The following CTNNA3 variants were observed in gnomAD, a reference collection of about 807,000 sequenced individuals.
CTNNA3 encodes the protein catenin alpha 3.
Under a neutral mutation model 95.7 loss-of-function variants are expected in CTNNA3, and 76 were observed. That is an observed-to-expected ratio of 0.79 (90% CI 0.66 to 0.96). The LOEUF is 0.96. Ranked by LOEUF, CTNNA3 falls within the 40% of genes least tolerant of loss-of-function variation. The probability of loss-of-function intolerance (pLI) is 0.00; values close to 1 mark genes in which losing one functional copy is unlikely to be tolerated. For missense variants in CTNNA3, 1,191 were observed against 1,089.8 expected (o/e 1.09, Z -1.31); for synonymous variants, 431 against 374.4 (o/e 1.15, Z -1.74).
chr10:66,115,590 T>C (rs200659095), intron 13 of CTNNA3, among the ~76,000 whole-genome samples: 4 of 108,338 alleles, frequency 3.7e-5, no homozygotes, highest in African/African-American at 2.5e-4. Context: ...GATAGATAGA[T>C]AGAGATAGAG....
chr10:67,238,772 G>C (rs1323889863), intron 5 of CTNNA3, among the ~76,000 whole-genome samples: 1 of 152,094 alleles, frequency 6.6e-6, no homozygotes, highest in Non-Finnish European at 1.5e-5. Context: ...TTTTAGATTT[G>C]AGTAAAATAA....
At chr10:67,366,263 C>A (rs1262593206) in intron 5 of CTNNA3, among the ~76,000 whole-genome samples, 3 of 152,034 alleles carry the variant, frequency 2.0e-5, no homozygotes, top group Non-Finnish European at 4.4e-5. Flanking sequence ...ATGTAAATGA[C>A]AAGTTGATGG....
At chr10:67,734,336 T>C (rs981889127) in intron 1 of CTNNA3, among the ~76,000 whole-genome samples, 1 of 152,092 alleles carries the variant, frequency 6.6e-6, no homozygotes, top group Non-Finnish European at 1.5e-5. Flanking sequence ...GAGTTCAGAG[T>C]TGAAGAATCT....
chr10:66,456,314 T>A (rs1437319710), intron 11 of CTNNA3, among the ~76,000 whole-genome samples: 1 of 152,112 alleles, frequency 6.6e-6, no homozygotes, highest in East Asian at 1.9e-4. Context: ...ATCAAGACAA[T>A]GTGGTATAGA....
intron 7 of CTNNA3, among the ~76,000 whole-genome samples, chr10:66,986,646 G>A (rs1033265074): frequency 6.6e-6 from 1 of 152,112 alleles, no homozygotes; most frequent in African/African-American, 2.4e-5. Context: ...AAGAATTTTA[G>A]AATGAATCAA....
At chr10:66,629,745 C>T (rs1208688471) in intron 9 of CTNNA3, among the ~76,000 whole-genome samples, 1 of 152,052 alleles carries the variant, frequency 6.6e-6, no homozygotes, top group Non-Finnish European at 1.5e-5. Flanking sequence ...TATCAATGTA[C>T]TTTTATGTAT....
intron 11 of CTNNA3, among the ~76,000 whole-genome samples, chr10:66,468,472 G>A (rs1246285545): frequency 6.6e-6 from 1 of 151,812 alleles, no homozygotes; most frequent in African/African-American, 2.4e-5. Flanking sequence ...CATGGGTGGG[G>A]GAAATGGGAA....
At chr10:66,370,934 G>A (rs1338966323) in intron 12 of CTNNA3, among the ~76,000 whole-genome samples, 1 of 151,956 alleles carries the variant, frequency 6.6e-6, no homozygotes, top group South Asian at 2.1e-4. Context: ...TGTTGCCTAG[G>A]CTGATCTCGA....
intron 1 of CTNNA3, among the ~76,000 whole-genome samples, chr10:67,731,619 G>A (rs1012973948): frequency 1.3e-5 from 2 of 151,790 alleles, no homozygotes; most frequent in Non-Finnish European, 1.5e-5. Flanking sequence ...TGGCTAACAC[G>A]GTGAAACCCC....
At chr10:66,306,796 G>C (rs945195155) in intron 12 of CTNNA3, among the ~76,000 whole-genome samples, 1 of 152,110 alleles carries the variant, frequency 6.6e-6, no homozygotes, top group African/African-American at 2.4e-5. Flanking sequence ...ACTGGTTTTC[G>C]TATGTCTGAA....
intron 12 of CTNNA3, among the ~76,000 whole-genome samples, chr10:66,374,994 GGC>G (rs2092785005): frequency 6.6e-6 from 1 of 151,844 alleles, no homozygotes; most frequent in African/African-American, 2.4e-5. Flanking sequence ...TAATTGAGTT[GGC>G]ACGTCCCTTA....
At chr10:67,180,012 A>C (rs1862439769) in intron 7 of CTNNA3, among the ~76,000 whole-genome samples, 1 of 151,970 alleles carries the variant, frequency 6.6e-6, no homozygotes, top group African/African-American at 2.4e-5. Context: ...ATATTTCTTA[A>C]ATTGATGTGC....
At chr10:65,943,089 A>T (rs2077453847) in intron 17 of CTNNA3, among the ~76,000 whole-genome samples, 1 of 145,010 alleles carries the variant, frequency 6.9e-6, no homozygotes, top group African/African-American at 2.5e-5. Flanking sequence ...TTTGAGACGG[A>T]GTCTCGCTCT....
chr10:66,062,511 C>G (rs563243708), intron 15 of CTNNA3, among the ~76,000 whole-genome samples: 3 of 152,242 alleles, frequency 2.0e-5, no homozygotes, highest in African/African-American at 7.2e-5. Context: ...ATATATAAAA[C>G]TGCTAAGTTT....
intron 7 of CTNNA3, among the ~76,000 whole-genome samples, chr10:66,944,417 T>A (rs1204536496): frequency 6.6e-6 from 1 of 152,144 alleles, no homozygotes; most frequent in Non-Finnish European, 1.5e-5. Context: ...TTCCACCACA[T>A]CTTCAGTTAC....
chr10:66,852,970 A>C (rs1036802639), intron 7 of CTNNA3, among the ~76,000 whole-genome samples: 21 of 152,316 alleles, frequency 1.4e-4, no homozygotes, highest in Admixed American at 1.4e-3. Context: ...GTTAGAGTTT[A>C]AGACAGAGGT....
chr10:67,150,165 T>C (rs1861027051), intron 7 of CTNNA3, among the ~76,000 whole-genome samples: 1 of 152,190 alleles, frequency 6.6e-6, no homozygotes, highest in African/African-American at 2.4e-5. Context: ...TTTTAATTAT[T>C]AAACTTGGAA....
intron 7 of CTNNA3, among the ~76,000 whole-genome samples, chr10:66,779,671 C>T (rs1293732257): frequency 6.6e-6 from 1 of 152,072 alleles, no homozygotes; most frequent in Non-Finnish European, 1.5e-5. Flanking sequence ...TGGTTATGGA[C>T]CTCTTTCAAG....
At chr10:65,954,224 G>T (rs187695792) in intron 17 of CTNNA3, among the ~76,000 whole-genome samples, 1 of 152,122 alleles carries the variant, frequency 6.6e-6, no homozygotes, top group Non-Finnish European at 1.5e-5. Flanking sequence ...CCCACTTTTT[G>T]ATGGGGCTGT....
Sources: gnomAD v4.1 joint callset for allele counts (sites outside exome capture counted in the v4.1 genomes callset) on GRCh38, gnomAD v4.1.1 for gene constraint, MANE v1.5 for transcripts, NCBI Gene and HGNC (gene_info 2026-07-23, HGNC 2026-07-21) for gene names.